MYO10: variants seen among roughly 807,000 people sequenced by gnomAD.
MYO10 encodes the protein unconventional myosin-X.
Under a neutral mutation model 257.3 loss-of-function variants are expected in MYO10, and 133 were observed. The observed-to-expected ratio is 0.52, with a 90% confidence interval of 0.45 to 0.60. The LOEUF is 0.60. MYO10 is among the 20% of genes least tolerant of loss of function. The pLI is 0.00. For synonymous variants in MYO10, 1,104 were observed against 1,028.6 expected (o/e 1.07, Z -1.40); for missense variants, 2,399 against 2,635.7 (o/e 0.91, Z 1.97).
At chr5:16,922,209 G>A (rs1200686154) in intron 1 of MYO10, among the ~76,000 whole-genome samples, 2 of 129,112 alleles carry the variant, frequency 1.5e-5, no homozygotes, top group South Asian at 2.6e-4. Context: ...GCAAGACTCC[G>A]TCTCAAAAAA....
At position 16,802,429 on chromosome 5, in the gene MYO10, C is replaced by T. The variant is rs933486162; in HGVS notation, c.280-7596G>A. On this transcript the variant is annotated intron_variant, in intron 3 of 40. Coordinates refer to ENST00000513610, the MANE Select transcript of MYO10 (RefSeq NM_012334.3). ...ATCCCAACACTCTGGGATGCTGAGG[C>T]GGGTGGATCATGAGGTCAGGAGATT... is the stretch of plus-strand genomic sequence containing the variant. 4.0e-5 allele frequency among the ~76,000 whole-genome samples: 6 copies of T among 151,484 alleles called. No homozygotes were observed. In the South Asian group the frequency reaches 1.0e-3, roughly 26 times the overall value.
intron 26 of MYO10, among the ~76,000 whole-genome samples, chr5:16,695,149 C>T (rs866329594): frequency 6.6e-6 from 1 of 152,208 alleles, no homozygotes; most frequent in Middle Eastern, 3.4e-3. Context: ...GCCTGGCCAA[C>T]ACGGTAAAAC....
chr5:16,912,011 G>C (rs1282422394), intron 1 of MYO10, among the ~76,000 whole-genome samples: 1 of 152,022 alleles, frequency 6.6e-6, no homozygotes, highest in Non-Finnish European at 1.5e-5. Flanking sequence ...CTTCAGCCTG[G>C]GCAACAAGAA....
At chr5:16,713,766 G>T (rs115425516) in intron 19 of MYO10, among the ~76,000 whole-genome samples, 1 of 152,196 alleles carries the variant, frequency 6.6e-6, no homozygotes, top group African/African-American at 2.4e-5. Context: ...CTGGTGAATT[G>T]AATGTTCAAA....
intron 1 of MYO10, among the ~76,000 whole-genome samples, chr5:16,921,537 GATAAATGTGTGGTCTCCCACAC>G (rs1745984278): frequency 6.7e-6 from 1 of 150,160 alleles, no homozygotes; most frequent in Non-Finnish European, 1.5e-5. Context: ...TTTCCACACT[GATAAATGTGTGGTCTCCCACAC>G]ATTTACTACT....
intron 9 of MYO10, among the ~76,000 whole-genome samples, chr5:16,769,501 A>G (rs1040159899): frequency 6.6e-6 from 1 of 152,004 alleles, no homozygotes; most frequent in Non-Finnish European, 1.5e-5. Context: ...TGCCTAGCTA[A>G]TTTTTTGTGT....
At chr5:16,682,869 T>C (rs534514124) in intron 30 of MYO10, among the ~76,000 whole-genome samples, 1 of 152,168 alleles carries the variant, frequency 6.6e-6, no homozygotes, top group East Asian at 1.9e-4. Context: ...GAGAAAACCC[T>C]GAATGAGGAT....
chr5:16,782,367 A>C (rs919083644), intron 5 of MYO10, among the ~76,000 whole-genome samples: 9 of 152,190 alleles, frequency 5.9e-5, no homozygotes, highest in African/African-American at 2.2e-4. Context: ...CAGCTCTGCC[A>C]CTATAGCCTA....
chr5:16,794,616 G>A (rs775271631), intron 4 of MYO10, 30 bp downstream of exon 4: 2 of 1,578,906 alleles, frequency 1.3e-6, no homozygotes, highest in Non-Finnish European at 1.7e-6. Flanking sequence ...TGGGCCATGG[G>A]AAAGTCCGAC....
In MYO10 at chr5:16,701,299, C is replaced by T. The variant is rs369898901; in HGVS notation, c.3096G>A (p.Glu1032=). 13 of 1,613,898 alleles carry T rather than the reference C, an allele frequency of 8.1e-6. No individual in the cohort carries two copies. The African/African-American group carries it at 1.6e-4, about 20-fold the overall frequency. ...GIRTSDDSSE[E]DPYMNDTVVP... ...CCACCGTGTCGTTCATGTATGGGTCCTCCTCTGAAGAGTCATCGCTGGTCC... is the reference window on the plus strand; with the variant it reads ...CCACCGTGTCGTTCATGTATGGGTCTTCCTCTGAAGAGTCATCGCTGGTCC... The change falls in exon 25 of 41, where the codon GAG becomes GAA. Residue 1032 remains glutamate, a synonymous_variant. Coordinates refer to ENST00000513610, the MANE Select transcript of MYO10 (RefSeq NM_012334.3). This position sits in a 1 kb window ranked among gnomAD's most constrained non-coding sequence, Gnocchi z 8.1.
At chr5:16,759,680 C>A (rs1294605772) in intron 17 of MYO10, among the ~76,000 whole-genome samples, 2 of 152,184 alleles carry the variant, frequency 1.3e-5, no homozygotes, top group African/African-American at 4.8e-5. Context: ...AATCTTTTCA[C>A]TACGACAAAC....
intron 1 of MYO10, among the ~76,000 whole-genome samples, chr5:16,925,269 T>C (rs1395866199): frequency 6.6e-6 from 1 of 152,140 alleles, no homozygotes; most frequent in Admixed American, 6.5e-5. Flanking sequence ...ATGTGAAACA[T>C]GCAACAAAAG....
intron 2 of MYO10, among the ~76,000 whole-genome samples, chr5:16,840,452 A>T (rs989420925): frequency 6.8e-6 from 1 of 146,926 alleles, no homozygotes. Context: ...AATGAAAGAA[A>T]GAAACAGAAG....
At chr5:16,777,609 A>G (rs1476891698) in intron 9 of MYO10, among the ~76,000 whole-genome samples, 1 of 152,060 alleles carries the variant, frequency 6.6e-6, no homozygotes, top group Non-Finnish European at 1.5e-5. Context: ...CCAGAGTTAG[A>G]CTGTGTATGG....
chr5:16,825,189 C>A (rs2126712508), intron 2 of MYO10, among the ~76,000 whole-genome samples: 1 of 152,260 alleles, frequency 6.6e-6, no homozygotes, highest in African/African-American at 2.4e-5. Context: ...TGTCTTCCTG[C>A]TACTCTCCTC....
At chr5:16,735,286 C>T (rs1739745030) in intron 19 of MYO10, among the ~76,000 whole-genome samples, 2 of 152,134 alleles carry the variant, frequency 1.3e-5, no homozygotes, top group African/African-American at 2.4e-5. Context: ...TAGAAAAACG[C>T]CCAGGTTAAT....
At chr5:16,891,373 AAGGAAG>A (rs1321166152) in intron 1 of MYO10, among the ~76,000 whole-genome samples, 9 of 114,176 alleles carry the variant, frequency 7.9e-5, no homozygotes, top group East Asian at 2.3e-4. Context: ...GGAAGGAAGG[AAGGAAG>A]GAGAGAGAGA....
At chr5:16,929,570 C>A (rs1746240862) in intron 1 of MYO10, among the ~76,000 whole-genome samples, 1 of 152,092 alleles carries the variant, frequency 6.6e-6, no homozygotes, top group Non-Finnish European at 1.5e-5. Flanking sequence ...CCTCTCTGTG[C>A]CTCACTTTCT....
intron 19 of MYO10, among the ~76,000 whole-genome samples, chr5:16,718,296 G>A (rs1016322360): frequency 8.5e-5 from 13 of 152,270 alleles, no homozygotes; most frequent in African/African-American, 2.2e-4. Context: ...CCTGCTCCAC[G>A]GCGCCCAGTC....
Sources: gnomAD v4.1 joint callset for allele counts (sites outside exome capture counted in the v4.1 genomes callset) on GRCh38, gnomAD v4.1.1 for gene constraint, Gnocchi (gnomAD v3.1) non-coding constraint, MANE v1.5 for transcripts, NCBI Gene and HGNC (gene_info 2026-07-23, HGNC 2026-07-21) for gene names.